TTLL6: variants seen among roughly 807,000 people sequenced by gnomAD.
The protein encoded by TTLL6 is tubulin polyglutamylase TTLL6.
Under a neutral mutation model 96.4 loss-of-function variants are expected in TTLL6, and 75 were observed. That is an observed-to-expected ratio of 0.78 (90% CI 0.65 to 0.94). The LOEUF is 0.94. Ranked by LOEUF, TTLL6 falls within the 40% of genes least tolerant of loss-of-function variation. The pLI is 0.00. For synonymous variants in TTLL6, 411 were observed against 419.4 expected (o/e 0.98, Z 0.24); for missense variants, 1,030 against 1,093.0 (o/e 0.94, Z 0.81).
intron 11 of TTLL6, 146 bp from the exon 12 acceptor site, chr17:48,786,481 T>C (rs1406286137): frequency 1.1e-6 from 1 of 945,310 alleles, no homozygotes; most frequent in East Asian, 2.4e-5. Flanking sequence ...CACAAGTGAT[T>C]GAATGTCAAG....
At chr17:48,803,479 G>A (rs182766024) in intron 3 of TTLL6, among the ~76,000 whole-genome samples, 42 of 144,958 alleles carry the variant, frequency 2.9e-4, no homozygotes, top group Admixed American at 1.2e-3. Context: ...GCAAGATTCC[G>A]TGTCAAAAAA....
chr17:48,810,159 GGAAAA>G (rs1002059195), intron 1 of TTLL6, among the ~76,000 whole-genome samples: 11 of 143,888 alleles, frequency 7.6e-5, no homozygotes, highest in African/African-American at 2.6e-4. Flanking sequence ...AAAAAAAAAA[GGAAAA>G]GAAAAGAAAA....
rs1251252541 is a variant in TTLL6, at chr17:48,805,001, G to A, written c.104-10C>T. On this transcript the variant is annotated splice_polypyrimidine_tract_variant and intron_variant, in intron 1 of 15. Transcript: ENST00000393382. ...GGGAAATACCAGGCCCCTAGAGAGA[G>A]GGCAGAGGGAGCCGCAGTTACAGAG... is the stretch of plus-strand genomic sequence containing the variant. The A allele has an allele frequency of 6.5e-7, 1 of 1,548,276 alleles. No homozygotes were observed. Among genetic ancestry groups the A allele is most frequent in the Non-Finnish European group, 8.7e-7 (1 of 1,144,322 alleles).
intron 12 of TTLL6, 74 bp from the exon 13 acceptor site, chr17:48,785,275 AGGGGTAGGTG>A: frequency 1.3e-6 from 2 of 1,592,302 alleles, no homozygotes; most frequent in Admixed American, 1.8e-5. Context: ...ATCTGCACCC[AGGGGTAGGTG>A]AAAAAGAGAT....
intron 15 of TTLL6, among the ~76,000 whole-genome samples, chr17:48,766,949 GTT>G: frequency 6.6e-6 from 1 of 151,958 alleles, no homozygotes; most frequent in Non-Finnish European, 1.5e-5. Flanking sequence ...GTTTTGTTTT[GTT>G]TTGTTTTGTG....
At chr17:48,816,090 G>A (rs187724505) in intron 1 of TTLL6, among the ~76,000 whole-genome samples, 31 of 152,244 alleles carry the variant, frequency 2.0e-4, no homozygotes, top group Admixed American at 1.7e-3. Flanking sequence ...GATTAAATGA[G>A]TTAATATTTC....
rs1236623346 is a variant in TTLL6 at position 48,790,122 on chromosome 17, T to G, written c.1225-16A>C. 6.2e-7 allele frequency: 1 copy of G among 1,611,358 alleles called. No individual in the cohort carries two copies. Among genetic ancestry groups the G allele is most frequent in the Admixed American group, 1.7e-5 (1 of 59,868 alleles). On this transcript the variant is annotated splice_polypyrimidine_tract_variant and intron_variant, in intron 9 of 15. Transcript: ENST00000393382. The stretch of plus-strand genomic sequence containing the variant: ...AGTGGTTGACCTGTGAGGGCAAGAT[T>G]GGCAGCTGGTGACAAAGCCGTCCAG...
intron 15 of TTLL6, among the ~76,000 whole-genome samples, chr17:48,763,811 AAAAC>A (rs760370815): frequency 4.6e-5 from 7 of 152,016 alleles, no homozygotes; most frequent in African/African-American, 9.6e-5. Context: ...AAAACAAAAC[AAAAC>A]AAACAAACAA....
chr17:48,775,820 C>T (rs943547578), intron 13 of TTLL6, among the ~76,000 whole-genome samples: 1 of 152,154 alleles, frequency 6.6e-6, no homozygotes, highest in African/African-American at 2.4e-5. Context: ...GGATTACAGG[C>T]GTGAGCCACT....
chr17:48,792,311 C>T (rs1427630532), intron 8 of TTLL6, among the ~76,000 whole-genome samples: 1 of 152,192 alleles, frequency 6.6e-6, no homozygotes, highest in Non-Finnish European at 1.5e-5. Context: ...TCAGCCAGCT[C>T]TGAGCTGGGC....
chr17:48,817,115 CT>C lies in TTLL6; in HGVS notation c.-44del. The stretch of plus-strand genomic sequence containing the variant: ...CAACCCCAACCCGCGCTCGCCCTAA[CT>C]TTGGGTCCGCCCGGCCCTCATATTT... On this transcript the variant is annotated 5_prime_UTR_variant, in exon 1 of 16. An upstream open reading frame in the 5' UTR loses its in-frame stop. Coordinates refer to ENST00000393382, the MANE Select transcript of TTLL6 (RefSeq NM_001130918.3). 6.8e-7 allele frequency: 1 copy of C among 1,475,850 alleles called. No homozygotes were observed. The highest frequency in any genetic ancestry group is 1.2e-5 in the South Asian group (1 of 80,596). 91.4% of individuals were successfully genotyped at this position (1,475,850 alleles called of 1,614,324 possible).
Position 48,770,137 on chromosome 17 carries a change from A to G in TTLL6, c.2041-40T>C, listed in dbSNP as rs777531142. ...AGTTCAAAATGAGACTGTGGAAAGC[A>G]AAGGGTTCCTTCCTATGCTATTTTT... On this transcript the variant is annotated intron_variant, in intron 13 of 15. Coordinates refer to ENST00000393382, the MANE Select transcript of TTLL6 (RefSeq NM_001130918.3). 3 of 1,548,542 alleles carry G rather than the reference A, an allele frequency of 1.9e-6. No individual in the cohort carries two copies. The Admixed American group carries it at 6.4e-5, about 33-fold the overall frequency.
At chr17:48,814,255 G>A (rs747644769) in intron 1 of TTLL6, among the ~76,000 whole-genome samples, 13 of 137,050 alleles carry the variant, frequency 9.5e-5, no homozygotes, top group Non-Finnish European at 1.5e-4. Flanking sequence ...GGAGGCGGAC[G>A]TTGCAGTGAG....
At chr17:48,772,232 C>A (rs766949846) in intron 13 of TTLL6, among the ~76,000 whole-genome samples, 3 of 152,130 alleles carry the variant, frequency 2.0e-5, no homozygotes, top group Non-Finnish European at 4.4e-5. Context: ...TACCTATAAT[C>A]CCAGCACGTT....
intron 13 of TTLL6, among the ~76,000 whole-genome samples, chr17:48,779,781 T>C (rs1426811005): frequency 6.6e-6 from 1 of 152,178 alleles, no homozygotes; most frequent in Non-Finnish European, 1.5e-5. Flanking sequence ...AGAGATATGG[T>C]ACTGAGCCAA....
intron 3 of TTLL6, among the ~76,000 whole-genome samples, chr17:48,803,569 G>A (rs677521): frequency 0.33 from 49,324 of 151,560 alleles, 8,619 homozygotes; most frequent in East Asian, 0.74. Context: ...TTCAGTTCAC[G>A]AACTGCAAGT....
At chr17:48,803,261 G>A (rs1178948164) in intron 3 of TTLL6, among the ~76,000 whole-genome samples, 1 of 152,132 alleles carries the variant, frequency 6.6e-6, no homozygotes, top group Non-Finnish European at 1.5e-5. Flanking sequence ...TTGGGAGGCC[G>A]AGGCGGGTGG....
At chr17:48,767,788 G>T (rs1050734771) in intron 15 of TTLL6, among the ~76,000 whole-genome samples, 1 of 152,028 alleles carries the variant, frequency 6.6e-6, no homozygotes, top group Non-Finnish European at 1.5e-5. Flanking sequence ...CATCTCCTGG[G>T]GCCTTTTGCA....
Position 48,801,218 on chromosome 17 carries a change from G to A in TTLL6, c.611+37C>T, listed in dbSNP as rs770128493. ...GCAAGAGGAAATGTAAATGGGGAGG[G>A]GAGTGGAGAAGGAAGTACAGGGCGG... On this transcript the variant is annotated intron_variant, in intron 5 of 15. Transcript: ENST00000393382. 7.4e-5 allele frequency: 112 copies of A among 1,520,934 alleles called. 1 individual carries two copies. In the South Asian group the frequency reaches 1.1e-3, roughly 15 times the overall value. 94.2% of individuals were successfully genotyped at this position (1,520,934 alleles called of 1,614,324 possible).
Sources: gnomAD v4.1 joint callset for allele counts (sites outside exome capture counted in the v4.1 genomes callset) on GRCh38, gnomAD v4.1.1 for gene constraint, MANE v1.5 for transcripts, NCBI Gene and HGNC (gene_info 2026-07-23, HGNC 2026-07-21) for gene names.